Variants in FARP1 observed in about 807,000 individuals in gnomAD.
The protein encoded by FARP1 is FERM, ARH/RhoGEF and pleckstrin domain protein 1, also known as FERM, ARHGEF and pleckstrin domain-containing protein 1.
FARP1 carries 52 observed loss-of-function variants against 128.8 expected under a neutral mutation model. The observed-to-expected ratio is 0.40, with a 90% CI of 0.32 to 0.51. The LOEUF is 0.51. Ranked by LOEUF, FARP1 falls within the 20% of genes least tolerant of loss-of-function variation. The probability of loss-of-function intolerance (pLI) is 0.45; values close to 1 mark genes in which losing one functional copy is unlikely to be tolerated. For synonymous variants in FARP1, 580 were observed against 551.8 expected (o/e 1.05, Z -0.72); for missense variants, 1,333 against 1,367.9 (o/e 0.97, Z 0.40).
At chr13:98,409,572 GT>G in intron 14 of FARP1, 47 bp downstream of exon 14, 1 of 1,474,424 alleles carries the variant, frequency 6.8e-7, no homozygotes, top group South Asian at 1.3e-5. Flanking sequence ...GTGTGCACGT[GT>G]GTTTGTGTGA....
chr13:98,388,440 A>G lies in FARP1; in HGVS notation c.817A>G (p.Arg273Gly). Residue 273 changes from arginine (R) to glycine (G), a missense_variant, in exon 9 of 27, where the codon AGG becomes GGG. Transcript: ENST00000319562. ...WAKVRKLSFK[R>G]KRFLIKLRPD... is the part of the protein sequence containing the mutation. The stretch of plus-strand genomic sequence containing the variant: ...CAAGGTGCGGAAGCTGAGCTTCAAG[A>G]GGAAGCGCTTTCTCATCAAGCTCCG... 1.9e-6 allele frequency: 3 copies of G among 1,614,036 alleles called. No individual in the cohort carries two copies. The African/African-American group carries it at 4.0e-5, about 22-fold the overall frequency.
At chr13:98,446,060 T>C (rs773111586) in intron 24 of FARP1, 38 bp from the exon 25 acceptor site, 1 of 1,405,764 alleles carries the variant, frequency 7.1e-7, no homozygotes, top group South Asian at 1.2e-5. Context: ...CTGGGGCAGG[T>C]GCCCGCTGTG....
intron 2 of FARP1, among the ~76,000 whole-genome samples, chr13:98,276,145 C>G (rs553385127): frequency 4.1e-4 from 62 of 152,214 alleles, no homozygotes; most frequent in Non-Finnish European, 7.8e-4. Flanking sequence ...CATGGCCTGT[C>G]CCCAGAGGAA....
chr13:98,337,911 C>T (rs563082935), intron 2 of FARP1, among the ~76,000 whole-genome samples: 1 of 152,272 alleles, frequency 6.6e-6, no homozygotes, highest in South Asian at 2.1e-4. Flanking sequence ...TTATTTAGTG[C>T]ATACACATGG....
At chr13:98,171,783 G>A (rs285095) in intron 1 of FARP1, among the ~76,000 whole-genome samples, 118,326 of 152,172 alleles carry the variant, frequency 0.78, 50,410 homozygotes, top group Non-Finnish European at 0.94. Context: ...TTTGCTTAAA[G>A]TCCTCCTCCC....
chr13:98,160,019 G>T (rs1289024642), intron 1 of FARP1, among the ~76,000 whole-genome samples: 1 of 152,198 alleles, frequency 6.6e-6, no homozygotes, highest in East Asian at 1.9e-4. Flanking sequence ...TGGTCTTAAA[G>T]ATGTACTTTA....
At chr13:98,406,877 G>C (rs539536354) in intron 13 of FARP1, 2 of 152,580 alleles carry the variant, frequency 1.3e-5, no homozygotes, top group South Asian at 4.1e-4. Context: ...GTGCAGCAAG[G>C]GTGCTCGCTG....
At chr13:98,248,503 A>G (rs185578225) in intron 2 of FARP1, among the ~76,000 whole-genome samples, 174 of 152,322 alleles carry the variant, frequency 1.1e-3, no homozygotes, top group Non-Finnish European at 2.1e-3. Flanking sequence ...GAAGCTTCAG[A>G]AATACTTTTG....
In FARP1 at chr13:98,275,308, T is replaced by C. The variant is rs563246621; in HGVS notation, c.171+61895T>C. 5.1e-4 allele frequency among the ~76,000 whole-genome samples: 76 copies of C among 149,908 alleles called. 1 individual carries two copies. The highest frequency in any genetic ancestry group is 4.3e-3 in the East Asian group (22 of 5,084). On this transcript the variant is annotated intron_variant, in intron 2 of 26. Transcript: ENST00000319562. ...ATGATGTCAGAGATTTGCTTCCACA[T>C]AGAATAGGTGGCAGTGAATGTGGGT... is the stretch of plus-strand genomic sequence containing the variant.
chr13:98,223,499 A>AT (rs879605090), intron 2 of FARP1, among the ~76,000 whole-genome samples: 1 of 151,866 alleles, frequency 6.6e-6, no homozygotes, highest in Non-Finnish European at 1.5e-5. Context: ...TAATTTTTGT[A>AT]TTTTTTAGGA....
intron 2 of FARP1, among the ~76,000 whole-genome samples, chr13:98,308,007 C>A: frequency 9.4e-6 from 1 of 106,328 alleles, no homozygotes; most frequent in African/African-American, 3.1e-5. Context: ...ACTGCCTGCC[C>A]CCCTCCGCCC....
intron 1 of FARP1, among the ~76,000 whole-genome samples, chr13:98,157,511 T>C (rs1876576362): frequency 6.6e-6 from 1 of 152,186 alleles, no homozygotes; most frequent in Non-Finnish European, 1.5e-5. Flanking sequence ...GGTGCCAGCG[T>C]GGACCCTCCG....
chr13:98,176,616 G>A lies in FARP1; in HGVS notation c.-24+33124G>A, dbSNP rs1426132320. On this transcript the variant is annotated intron_variant, in intron 1 of 26. Coordinates refer to ENST00000319562, the MANE Select transcript of FARP1 (RefSeq NM_005766.4). The surrounding 1 kb of genome is among the most constrained non-coding windows in gnomAD (Gnocchi z 6.2). The stretch of plus-strand genomic sequence containing the variant: ...CGTGGAGGAATTTGCAGCTGTCCCC[G>A]AAGCCACAGAAGCCAGTCTCCTTGT... 5 of 1,614,074 alleles carry A rather than the reference G, an allele frequency of 3.1e-6. No homozygotes were observed. The highest frequency in any genetic ancestry group is 2.7e-5 in the African/African-American group (2 of 74,942).
At chr13:98,273,077 A>G (rs777456342) in intron 2 of FARP1, among the ~76,000 whole-genome samples, 17 of 152,238 alleles carry the variant, frequency 1.1e-4, no homozygotes, top group Non-Finnish European at 2.1e-4. Context: ...TCAGGGAGAC[A>G]GGAGTGCAGG....
At position 98,389,834 on chromosome 13, in the gene FARP1, T is replaced by C; in HGVS notation, c.856-123T>C. On this transcript the variant is annotated intron_variant, in intron 9 of 26. Coordinates refer to ENST00000319562, the MANE Select transcript of FARP1 (RefSeq NM_005766.4). Reference sequence around the variant, plus strand: ...TAGTAAGTCTTTGCACTGATGGTCATGCTATAATAAAATACACAGCGAAAA... The same window carrying C: ...TAGTAAGTCTTTGCACTGATGGTCACGCTATAATAAAATACACAGCGAAAA... 3.4e-6 allele frequency: 3 copies of C among 875,824 alleles called. No individual in the cohort carries two copies. In the South Asian group the frequency reaches 5.0e-5, roughly 15 times the overall value. The allele number at this position is 875,824 out of a possible 1,614,324, so 54.3% of individuals were successfully genotyped here.
intron 1 of FARP1, among the ~76,000 whole-genome samples, chr13:98,188,849 C>T (rs1016040548): frequency 4.6e-5 from 7 of 152,346 alleles, no homozygotes; most frequent in Non-Finnish European, 8.8e-5. Context: ...CCGAGGCTCA[C>T]CGTATGGGCC....
At chr13:98,265,264 G>A (rs935078215) in intron 2 of FARP1, among the ~76,000 whole-genome samples, 1 of 149,302 alleles carries the variant, frequency 6.7e-6, no homozygotes, top group African/African-American at 2.5e-5. Context: ...TAGCGATGCT[G>A]GTTAGTGCAT....
At position 98,166,736 on chromosome 13, in the gene FARP1, T is replaced by TTC. The variant is rs1243527848; in HGVS notation, c.-24+23245_-24+23246insCT. 4.6e-5 allele frequency among the ~76,000 whole-genome samples: 7 copies of TTC among 151,938 alleles called. No individual in the cohort carries two copies. In the Middle Eastern group the frequency reaches 0.01, roughly 223 times the overall value. ...CCAGTTTTTCTTTCTTTTTTTTTTT[T>TTC]TTTTGAAACAGGGTCTCGTTCTGTC... On this transcript the variant is annotated intron_variant, in intron 1 of 26. Coordinates refer to ENST00000319562, the MANE Select transcript of FARP1 (RefSeq NM_005766.4).
chr13:98,451,744 G>A lies in FARP1; in HGVS notation c.*3427G>A, dbSNP rs1462058737. 1 of 152,134 alleles carries A rather than the reference G, an allele frequency of 6.6e-6. No individual in the cohort carries two copies. Among genetic ancestry groups the A allele is most frequent in the African/African-American group, 2.4e-5 (1 of 41,408 alleles). The allele number at this position is 152,134 out of a possible 1,614,324, so 9.4% of individuals were successfully genotyped here. A position where few individuals can be genotyped will look rare whatever the true frequency, so the allele number is the denominator to read the frequency against. On this transcript the variant is annotated 3_prime_UTR_variant, in exon 27 of 27. Transcript: ENST00000319562. ...TCAGCTTCAACAAACATAAAAGAAT[G>A]CTTCATGTACCAGTCAACAGCTGCT...
Sources: gnomAD v4.1 joint callset for allele counts (sites outside exome capture counted in the v4.1 genomes callset) on GRCh38, gnomAD v4.1.1 for gene constraint, Gnocchi (gnomAD v3.1) non-coding constraint, MANE v1.5 for transcripts, NCBI Gene and HGNC (gene_info 2026-07-23, HGNC 2026-07-21) for gene names.